The following CYP2B6 variants were observed in gnomAD, a reference collection of about 807,000 sequenced individuals.
CYP2B6 encodes cytochrome P450 2B6.
CYP2B6 carries 35 observed loss-of-function variants against 43.4 expected under a neutral mutation model. That is an observed-to-expected ratio of 0.81 (90% CI 0.62 to 1.07). CYP2B6 has a LOEUF of 1.07. CYP2B6 is among the 50% of genes least tolerant of loss of function. The pLI is 0.00. For synonymous variants in CYP2B6, 239 were observed against 239.2 expected (o/e 1.00, Z 0.01); for missense variants, 624 against 632.8 (o/e 0.99, Z 0.15).
At chr19:40,992,265 G>A (rs1382621753) in intron 1 of CYP2B6, among the ~76,000 whole-genome samples, 2 of 150,622 alleles carry the variant, frequency 1.3e-5, no homozygotes, top group Non-Finnish European at 2.9e-5. Flanking sequence ...TACAGAGAGA[G>A]CTTTAGGTCA....
At chr19:41,007,168 C>G in intron 4 of CYP2B6, 103 bp downstream of exon 4, 1 of 1,192,676 alleles carries the variant, frequency 8.4e-7, no homozygotes, top group South Asian at 1.3e-5. Context: ...TGCAGCTTAT[C>G]CTTGGAAGAA....
rs1969389384 is a variant in CYP2B6, at chr19:41,017,510, C to A, written c.*683C>A. On this transcript the variant is annotated 3_prime_UTR_variant, in exon 9 of 9. Transcript: ENST00000324071. ...TCTGAGATGGAGTCTCACTCTGTCACCCAGGTTCGAGTTCAGTGGTGCCAT... is the reference window on the plus strand; with the variant it reads ...TCTGAGATGGAGTCTCACTCTGTCAACCAGGTTCGAGTTCAGTGGTGCCAT... The A allele has an allele frequency of 6.6e-6, 1 of 152,108 alleles. No homozygotes were observed. Among genetic ancestry groups the A allele is most frequent in the African/African-American group, 2.4e-5 (1 of 41,410 alleles). The allele number at this position is 152,108 out of a possible 1,614,324, so 9.4% of individuals were successfully genotyped here.
rs193922917 is a variant in CYP2B6, at chr19:41,010,108, C to G, written c.937C>G (p.Leu313Val). 1.2e-6 allele frequency: 2 copies of G among 1,613,712 alleles called. No homozygotes were observed. Among genetic ancestry groups the G allele is most frequent in the Non-Finnish European group, 1.7e-6 (2 of 1,179,946 alleles). ...TSTTLRYGFL[L>V]MLKYPHVAER... ...CACCACTCTCCGCTACGGCTTCCTG[C>G]TCATGCTCAAATACCCTCATGTTGC... The change falls in exon 6 of 9, where the codon CTC (leucine) becomes GTC (valine). Residue 313 changes from leucine to valine, a missense_variant. By Grantham distance (32) the Leu-to-Val change is conservative. Coordinates refer to ENST00000324071, the MANE Select transcript of CYP2B6 (RefSeq NM_000767.5).
At chr19:41,003,865 C>G in intron 1 of CYP2B6, 136 bp from the exon 2 acceptor site, 4 of 1,169,610 alleles carry the variant, frequency 3.4e-6, no homozygotes, top group South Asian at 1.3e-5. Flanking sequence ...TGGGTCCCAG[C>G]AGGGGAAAGG....
intron 6 of CYP2B6, among the ~76,000 whole-genome samples, chr19:41,011,341 G>T (rs1969280413): frequency 6.6e-6 from 1 of 151,962 alleles, no homozygotes; most frequent in Non-Finnish European, 1.5e-5. Flanking sequence ...TTATTCACTT[G>T]CTCTTCCATA....
chr19:40,996,421 T>G (rs1432259513), intron 1 of CYP2B6, among the ~76,000 whole-genome samples: 2 of 152,300 alleles, frequency 1.3e-5, no homozygotes, highest in Non-Finnish European at 1.5e-5. Context: ...TCTACGGTTA[T>G]GGCATTGATT....
Position 41,012,683 on chromosome 19 carries a change from G to A in CYP2B6, c.1162G>A (p.Val388Ile), listed in dbSNP as rs1391148097. 3.1e-6 allele frequency: 5 copies of A among 1,613,882 alleles called. No individual in the cohort carries two copies. Among genetic ancestry groups the A allele is most frequent in the African/African-American group, 2.7e-5 (2 of 74,902 alleles). ...RGYIIPKDTE[V>I]FLILSTALHD... ...TGTGATCCTCCCTCAGGACACAGAA[G>A]TATTTCTCATCCTGAGCACTGCTCT... Residue 388 changes from valine (V) to isoleucine (I), a missense_variant, in exon 8 of 9, where the codon GTA becomes ATA. By Grantham distance (29) the Val-to-Ile change is conservative. Transcript: ENST00000324071.
In CYP2B6 at chr19:41,016,706, C is replaced by T. The variant is rs765620489; in HGVS notation, c.1355C>T (p.Thr452Ile). Residue 452 changes from threonine (T) to isoleucine (I), a missense_variant, in exon 9 of 9, where the codon ACC becomes ATC. Coordinates refer to ENST00000324071, the MANE Select transcript of CYP2B6 (RefSeq NM_000767.5). ...ARAELFLFFT[T>I]ILQNFSMASP... The stretch of plus-strand genomic sequence containing the variant: ...GCGGAATTGTTCCTCTTCTTCACCA[C>T]CATCCTCCAGAACTTCTCCATGGCC... 27 of 1,614,110 alleles carry T rather than the reference C, an allele frequency of 1.7e-5. No homozygotes were observed. The highest frequency in any genetic ancestry group is 8.9e-5 in the East Asian group (4 of 44,890).
At chr19:41,004,899 G>T (rs1969152697) in intron 3 of CYP2B6, among the ~76,000 whole-genome samples, 1 of 151,966 alleles carries the variant, frequency 6.6e-6, no homozygotes, top group African/African-American at 2.4e-5. Context: ...GGCTAAGGTG[G>T]GACTACAGGA....
chr19:40,999,716 T>A (rs139309628), intron 1 of CYP2B6, among the ~76,000 whole-genome samples: 1,778 of 152,164 alleles, frequency 0.012, 17 homozygotes, highest in Non-Finnish European at 0.021. Context: ...AGAGACAGGG[T>A]CTCAGTCTGT....
chr19:41,007,172 G>C (rs893844447), intron 4 of CYP2B6, 107 bp downstream of exon 4: 5 of 1,125,156 alleles, frequency 4.4e-6, no homozygotes, highest in African/African-American at 3.1e-5. Flanking sequence ...GCTTATCCTT[G>C]GAAGAAACGC....
chr19:41,008,276 A>G (rs1312638171), intron 4 of CYP2B6, among the ~76,000 whole-genome samples: 1 of 150,800 alleles, frequency 6.6e-6, no homozygotes, highest in Non-Finnish European at 1.5e-5. Context: ...CAGTAGTGTG[A>G]TCTCAACTCC....
In CYP2B6 at chr19:41,010,123, C is replaced by T; in HGVS notation, c.952C>T (p.Pro318Ser). 6.2e-7 allele frequency: 1 copy of T among 1,613,326 alleles called. No homozygotes were observed. The change falls in exon 6 of 9, where the codon CCT (proline) becomes TCT (serine). Residue 318 changes from proline (P) to serine (S), a missense_variant. By Grantham distance (74) the Pro-to-Ser change is moderately conservative (BLOSUM62 -1). Transcript: ENST00000324071. ...CGGCTTCCTGCTCATGCTCAAATAC[C>T]CTCATGTTGCAGGTGGGCCAGGGAC... ...RYGFLLMLKYPHVAERVYREI... is the reference protein window; with the variant it reads ...RYGFLLMLKYSHVAERVYREI...
At chr19:41,009,564 A>T in intron 5 of CYP2B6, 169 bp downstream of exon 5, 1 of 754,866 alleles carries the variant, frequency 1.3e-6, no homozygotes, top group Non-Finnish European at 2.2e-6. Context: ...GGAAAGAAAG[A>T]TGAGGTGAAA....
In CYP2B6 at chr19:40,998,426, T is replaced by C. The variant is rs373847107; in HGVS notation, c.172-5575T>C. On this transcript the variant is annotated intron_variant, in intron 1 of 8. Coordinates refer to ENST00000324071, the MANE Select transcript of CYP2B6 (RefSeq NM_000767.5). ...CTAAAATGAGTTTTCTTTCTTTCTT[T>C]TTTATTATTATTATACTTTAAGTTT... is the stretch of plus-strand genomic sequence containing the variant. Among the ~76,000 whole-genome samples, 8 of 152,250 alleles carry C rather than the reference T, an allele frequency of 5.3e-5. No individual in the cohort carries two copies. The East Asian group carries it at 9.6e-4, about 18-fold the overall frequency.
At chr19:40,996,742 C>A (rs970767753) in intron 1 of CYP2B6, among the ~76,000 whole-genome samples, 2 of 152,116 alleles carry the variant, frequency 1.3e-5, no homozygotes, top group Non-Finnish European at 2.9e-5. Context: ...AAGGACCAGG[C>A]GGCCATCTAG....
At chr19:41,004,257 A>G in intron 2 of CYP2B6, 40 bp from the exon 3 acceptor site, 1 of 1,613,746 alleles carries the variant, frequency 6.2e-7, no homozygotes, top group Non-Finnish European at 8.5e-7. Context: ...CCTTCTTCCA[A>G]CTTCTTCTAC....
At chr19:41,002,866 A>G (rs1255767740) in intron 1 of CYP2B6, among the ~76,000 whole-genome samples, 1 of 152,032 alleles carries the variant, frequency 6.6e-6, no homozygotes, top group Non-Finnish European at 1.5e-5. Flanking sequence ...AACTTCATAC[A>G]CATAAAATTA....
rs374850726 is a variant in CYP2B6, at chr19:41,004,455, T to A, written c.484+9T>A. On this transcript the variant is annotated intron_variant, in intron 3 of 8. Coordinates refer to ENST00000324071, the MANE Select transcript of CYP2B6 (RefSeq NM_000767.5). ...GCTTCGGAAATCCAAGGGTGAGTCCTGGGGGATGAATAGGAAAGAAAGACA... is the reference window on the plus strand; with the variant it reads ...GCTTCGGAAATCCAAGGGTGAGTCCAGGGGGATGAATAGGAAAGAAAGACA... 3.7e-6 allele frequency: 6 copies of A among 1,612,970 alleles called. No homozygotes were observed. The East Asian group carries it at 8.9e-5, about 24-fold the overall frequency.
Sources: allele counts gnomAD v4.1 joint callset (sites outside exome capture counted in the v4.1 genomes callset), GRCh38; gene constraint gnomAD v4.1.1; transcripts MANE v1.5; gene names NCBI Gene and HGNC (gene_info 2026-07-23, HGNC 2026-07-21).